The following SCN3A variants were observed in gnomAD, a reference collection of about 807,000 sequenced individuals.
SCN3A encodes sodium voltage-gated channel alpha subunit 3, also known as sodium channel protein type 3 subunit alpha.
SCN3A carries 60 observed loss-of-function variants against 187.6 expected under a neutral mutation model. That is an observed-to-expected ratio of 0.32 (90% CI 0.26 to 0.40). The LOEUF (loss-of-function observed/expected upper bound fraction) is 0.40, where lower values mean the gene tolerates loss of function less well. Among genes scored for constraint, SCN3A ranks in the 10% least tolerant of loss-of-function variants. The pLI, the probability that SCN3A is intolerant of heterozygous loss-of-function variation, is 1.00. For missense variants in SCN3A, 1,601 were observed against 2,428.2 expected (o/e 0.66, Z 7.16); for synonymous variants, 788 against 829.2 (o/e 0.95, Z 0.85).
At chr2:165,117,634 T>C (rs986422723) in intron 18 of SCN3A, among the ~76,000 whole-genome samples, 5 of 152,236 alleles carry the variant, frequency 3.3e-5, no homozygotes, top group African/African-American at 9.6e-5. Context: ...TTGAATACCT[T>C]TTAATGTCAC....
intron 19 of SCN3A, 137 bp from the exon 20 acceptor site, chr2:165,114,107 G>A (rs376639260): frequency 2.5e-4 from 145 of 576,742 alleles, no homozygotes; most frequent in South Asian, 1.8e-3. Context: ...CCTAGTTATC[G>A]TCAGCATCCC....
At chr2:165,105,142 T>C (rs937353727) in intron 21 of SCN3A, among the ~76,000 whole-genome samples, 1 of 152,162 alleles carries the variant, frequency 6.6e-6, no homozygotes, top group African/African-American at 2.4e-5. Context: ...TAAAATTTTG[T>C]ATACAGGAAA....
At chr2:165,162,931 A>G (rs1689498922) in intron 7 of SCN3A, 103 bp from the exon 8 acceptor site, 5 of 1,379,980 alleles carry the variant, frequency 3.6e-6, no homozygotes, top group South Asian at 2.3e-5. Flanking sequence ...TTGCTTGACT[A>G]TTTAGACACC....
chr2:165,106,802 A>G (rs1574118449), intron 21 of SCN3A, among the ~76,000 whole-genome samples: 1 of 152,222 alleles, frequency 6.6e-6, no homozygotes, highest in African/African-American at 2.4e-5. Context: ...GCCTTTAAGA[A>G]GAAAAAGAGT....
chr2:165,187,188 A>G (rs1691296818), intron 1 of SCN3A, among the ~76,000 whole-genome samples: 2 of 152,172 alleles, frequency 1.3e-5, no homozygotes, highest in South Asian at 4.1e-4. Flanking sequence ...GTCATTTTCT[A>G]GTTCCTTCTC....
At chr2:165,143,755 GA>G (rs1244272881) in intron 12 of SCN3A, among the ~76,000 whole-genome samples, 1 of 152,102 alleles carries the variant, frequency 6.6e-6, no homozygotes, top group Non-Finnish European at 1.5e-5. Flanking sequence ...GATAAATGTA[GA>G]CTGTTTCTTA....
chr2:165,099,489 C>A (rs1269353711), intron 22 of SCN3A, among the ~76,000 whole-genome samples: 1 of 152,016 alleles, frequency 6.6e-6, no homozygotes, highest in Non-Finnish European at 1.5e-5. Context: ...GAGGCCGAGG[C>A]GGGCGGATCA....
rs567274569 is a variant in SCN3A, at chr2:165,194,765, AG to A, written c.-247-8019del. The stretch of plus-strand genomic sequence containing the variant: ...CTAGAAAACTTTAAGTCTGGTTTTC[AG>A]TGAAATATGACCAGTCACTTGACCA... On this transcript the variant is annotated intron_variant, in intron 1 of 27. Transcript: ENST00000283254. The A allele has an allele frequency of 1.6e-4, 25 of 152,254 alleles. No individual in the cohort carries two copies. In the East Asian group the frequency reaches 4.6e-3, roughly 28 times the overall value. 9.4% of individuals were successfully genotyped at this position (152,254 alleles called of 1,614,324 possible). A position where few individuals can be genotyped will look rare whatever the true frequency, so the allele number is the denominator to read the frequency against.
Position 165,146,818 on chromosome 2 carries a change from C to G in SCN3A, c.1592G>C (p.Ser531Thr), listed in dbSNP as rs1559229929. Reference sequence around the variant, plus strand: ...GAAAAGGAAGCTGCTTCTTTTGACGCTGTCTTCAGATTCGGATTTGGGAAA... The same window carrying G: ...GAAAAGGAAGCTGCTTCTTTTGACGGTGTCTTCAGATTCGGATTTGGGAAA... Reference protein sequence around the residue: ...DSFPKSESEDSVKRSSFLFSM... With the variant: ...DSFPKSESEDTVKRSSFLFSM... Residue 531 changes from serine (S) to threonine (T), a missense_variant, in exon 12 of 28, where the codon AGC becomes ACC. Ser to Thr is a moderately conservative substitution (Grantham distance 58). Around this residue, in one of 11 missense-constraint regions of SCN3A, gnomAD observed 376 missense variants for 476.0 expected, o/e 0.79. Coordinates refer to ENST00000283254, the MANE Select transcript of SCN3A (RefSeq NM_006922.4). 5 of 1,614,094 alleles carry G rather than the reference C, an allele frequency of 3.1e-6. No individual in the cohort carries two copies. Among genetic ancestry groups the G allele is most frequent in the Non-Finnish European group, 3.4e-6 (4 of 1,179,968 alleles).
At chr2:165,199,687 T>C (rs1010251818) in intron 1 of SCN3A, among the ~76,000 whole-genome samples, 1 of 152,022 alleles carries the variant, frequency 6.6e-6, no homozygotes, top group African/African-American at 2.4e-5. Context: ...TAACAAATTA[T>C]ATTTCTGATG....
chr2:165,146,725 G>A lies in SCN3A; in HGVS notation c.1671+14C>T, dbSNP rs766448465. Reference sequence around the variant, plus strand: ...AATGACAAAGAAACCAGAGCACTTAGTAGAAAATCATACCTGATGAGGGGA... The same window carrying A: ...AATGACAAAGAAACCAGAGCACTTAATAGAAAATCATACCTGATGAGGGGA... On this transcript the variant is annotated intron_variant, in intron 12 of 27. Coordinates refer to ENST00000283254, the MANE Select transcript of SCN3A (RefSeq NM_006922.4). 6.2e-7 allele frequency: 1 copy of A among 1,613,808 alleles called. No homozygotes were observed. The highest frequency in any genetic ancestry group is 8.5e-7 in the Non-Finnish European group (1 of 1,179,794).
intron 18 of SCN3A, among the ~76,000 whole-genome samples, chr2:165,116,150 T>G (rs1287988728): frequency 1.3e-5 from 2 of 152,220 alleles, no homozygotes; most frequent in African/African-American, 4.8e-5. Flanking sequence ...CATAATTTTC[T>G]TCTTATTTTA....
rs369256809 is a variant in SCN3A at position 165,171,443 on chromosome 2, C to A, written c.265-895G>T. Among the ~76,000 whole-genome samples, 4 of 152,194 alleles carry A rather than the reference C, an allele frequency of 2.6e-5. No individual in the cohort carries two copies. The East Asian group carries it at 5.8e-4, about 22-fold the overall frequency. On this transcript the variant is annotated intron_variant, in intron 3 of 27. Coordinates refer to ENST00000283254, the MANE Select transcript of SCN3A (RefSeq NM_006922.4). ...ATATAGTTCCACCTACAGTGACCCC[C>A]TATTATGTCAGAGGTTCTTAATCCT...
intron 2 of SCN3A, among the ~76,000 whole-genome samples, chr2:165,177,258 AG>A (rs1690526985): frequency 6.6e-6 from 1 of 152,144 alleles, no homozygotes; most frequent in Non-Finnish European, 1.5e-5. Flanking sequence ...AGTGGTTAAA[AG>A]CATGGACTCA....
intron 21 of SCN3A, among the ~76,000 whole-genome samples, chr2:165,104,245 T>C (rs1357648396): frequency 1.3e-5 from 2 of 151,974 alleles, no homozygotes; most frequent in Non-Finnish European, 2.9e-5. Context: ...TTTCACCAGA[T>C]ATTGATTATA....
chr2:165,123,571 C>T (rs1686816103), intron 18 of SCN3A, among the ~76,000 whole-genome samples: 1 of 152,124 alleles, frequency 6.6e-6, no homozygotes, highest in East Asian at 1.9e-4. Flanking sequence ...ACTTTATTAG[C>T]AAAGAGGAAG....
chr2:165,150,920 A>T (rs900626939), intron 11 of SCN3A, among the ~76,000 whole-genome samples: 3 of 152,170 alleles, frequency 2.0e-5, no homozygotes, highest in African/African-American at 7.2e-5. Flanking sequence ...TTGCCCTGTA[A>T]ATAGCTATTT....
chr2:165,193,004 C>T (rs1203915197), intron 1 of SCN3A, among the ~76,000 whole-genome samples: 3 of 152,102 alleles, frequency 2.0e-5, no homozygotes, highest in Admixed American at 1.3e-4. Flanking sequence ...TAGGACATAT[C>T]ATCTTAAACA....
In SCN3A at chr2:165,137,903, A is replaced by G. The variant is rs2105800615; in HGVS notation, c.2367T>C (p.Ser789=). ...MEHYPMTEQF[S]SVLTVGNLVF... ...CCAGGTTTCCTACAGTCAACACACTACTGAATTGCTCAGTCATGGGGTAGT... is the reference window on the plus strand; with the variant it reads ...CCAGGTTTCCTACAGTCAACACACTGCTGAATTGCTCAGTCATGGGGTAGT... Residue 789 remains serine, a synonymous_variant, in exon 15 of 28, where the codon AGT becomes AGC. Coordinates refer to ENST00000283254, the MANE Select transcript of SCN3A (RefSeq NM_006922.4). 1.2e-6 allele frequency: 2 copies of G among 1,612,764 alleles called. No homozygotes were observed. Among genetic ancestry groups the G allele is most frequent in the Middle Eastern group, 1.7e-4 (1 of 6,058 alleles).
Sources: gnomAD v4.1 joint callset for allele counts (sites outside exome capture counted in the v4.1 genomes callset) on GRCh38, gnomAD v4.1.1 for gene constraint, gnomAD v4.1.1 regional missense constraint, MANE v1.5 for transcripts, NCBI Gene and HGNC (gene_info 2026-07-23, HGNC 2026-07-21) for gene names.